The following RUNDC3B variants were observed in gnomAD, a reference collection of about 807,000 sequenced individuals.
The protein encoded by RUNDC3B is RUN domain containing 3B, also known as RUN domain-containing protein 3B.
Under a neutral mutation model 58.4 loss-of-function variants are expected in RUNDC3B, and 33 were observed. The ratio of observed to expected loss-of-function variants is 0.56; its 90% CI spans 0.43 to 0.75. RUNDC3B has a LOEUF of 0.75. Among genes scored for constraint, RUNDC3B ranks in the 30% least tolerant of loss-of-function variants. The pLI, the probability that RUNDC3B is intolerant of heterozygous loss-of-function variation, is 0.00. For synonymous variants in RUNDC3B, 193 were observed against 195.2 expected (o/e 0.99, Z 0.10); for missense variants, 501 against 535.7 (o/e 0.94, Z 0.64).
At chr7:87,687,716 C>T (rs950743936) in intron 2 of RUNDC3B, among the ~76,000 whole-genome samples, 2 of 152,220 alleles carry the variant, frequency 1.3e-5, no homozygotes, top group Non-Finnish European at 2.9e-5. Context: ...GTTAGAACTC[C>T]TGTGACTTGA....
At position 87,739,805 on chromosome 7, in the gene RUNDC3B, A is replaced by T; in HGVS notation, c.473A>T (p.Asp158Val). Residue 158 changes from aspartate to valine, a missense_variant, in exon 5 of 11, where the codon GAT (aspartate) becomes GTT (valine). Physicochemically the swap from Asp to Val is radical, Grantham distance 152. Transcript: ENST00000394654. Reference protein sequence around the residue: ...DFKTTRRFYEDGAIVLGEEAN... With the variant: ...DFKTTRRFYEVGAIVLGEEAN... The stretch of plus-strand genomic sequence containing the variant: ...TCATTTTTTAGGAGATTTTATGAAG[A>T]TGGAGCAATTGTCTTGGGTGAAGAA... 1 of 1,563,442 alleles carries T rather than the reference A, an allele frequency of 6.4e-7. No individual in the cohort carries two copies. The highest frequency in any genetic ancestry group is 1.2e-5 in the South Asian group (1 of 86,594).
chr7:87,820,282 A>C (rs949987859), intron 10 of RUNDC3B, among the ~76,000 whole-genome samples: 4 of 152,238 alleles, frequency 2.6e-5, no homozygotes, highest in African/African-American at 4.8e-5. Flanking sequence ...AAACTAGAAA[A>C]TCTAGAAGAA....
At chr7:87,814,434 C>A (rs750997707) in intron 9 of RUNDC3B, among the ~76,000 whole-genome samples, 1 of 152,140 alleles carries the variant, frequency 6.6e-6, no homozygotes, top group East Asian at 1.9e-4. Context: ...GAAGCCAAAT[C>A]TTTTCTTCCT....
chr7:87,639,881 C>T (rs974235125), intron 1 of RUNDC3B, among the ~76,000 whole-genome samples: 6 of 151,630 alleles, frequency 4.0e-5, no homozygotes, highest in Admixed American at 1.3e-4. Flanking sequence ...TTTTAATTAA[C>T]GTTATTACTA....
chr7:87,703,007 A>G (rs1439405833), intron 3 of RUNDC3B, among the ~76,000 whole-genome samples: 1 of 152,178 alleles, frequency 6.6e-6, no homozygotes, highest in Non-Finnish European at 1.5e-5. Context: ...TAGTAGTTGT[A>G]TTTATTTTTA....
In RUNDC3B at chr7:87,650,926, A is replaced by G; in HGVS notation, c.227A>G (p.His76Arg). The G allele has an allele frequency of 6.3e-7, 1 of 1,590,560 alleles. No homozygotes were observed. Among genetic ancestry groups the G allele is most frequent in the Non-Finnish European group, 8.6e-7 (1 of 1,159,068 alleles). The change falls in exon 2 of 11, where the codon CAC becomes CGC. Residue 76 changes from histidine to arginine, a missense_variant. Transcript: ENST00000394654. Reference protein sequence around the residue: ...FAAILEQILSHRLKGQVTWFG... With the variant: ...FAAILEQILSRRLKGQVTWFG... ...GCTATTTTGGAACAGATTTTAAGCC[A>G]CCGGCTAAAAGGTAAAAGCACTAAT...
At chr7:87,684,711 G>GCAC (rs1264649114) in intron 2 of RUNDC3B, among the ~76,000 whole-genome samples, 2 of 122,258 alleles carry the variant, frequency 1.6e-5, no homozygotes, top group Non-Finnish European at 3.2e-5. Flanking sequence ...TCGTGCCACT[G>GCAC]CACTCCAGCC....
Position 87,830,060 on chromosome 7 carries a change from A to C in RUNDC3B, c.*30A>C. On this transcript the variant is annotated 3_prime_UTR_variant, in exon 11 of 11. Coordinates refer to ENST00000394654, the MANE Select transcript of RUNDC3B (RefSeq NM_001134405.2). ...TTTTGTGTAAAAGCCAAAACTTTTT[A>C]TGTTGTAAATGTTTAATTTACATGT... The C allele has an allele frequency of 6.9e-7, 1 of 1,459,196 alleles. No individual in the cohort carries two copies. Among genetic ancestry groups the C allele is most frequent in the Non-Finnish European group, 9.3e-7 (1 of 1,075,166 alleles). 90.4% of individuals were successfully genotyped at this position (1,459,196 alleles called of 1,614,324 possible). A position where few individuals can be genotyped will look rare whatever the true frequency, so the allele number is the denominator to read the frequency against.
At chr7:87,692,452 G>A (rs1828104649) in intron 2 of RUNDC3B, among the ~76,000 whole-genome samples, 1 of 152,152 alleles carries the variant, frequency 6.6e-6, no homozygotes, top group African/African-American at 2.4e-5. Flanking sequence ...GTGAGAACCT[G>A]TCTCTTAAAC....
intron 10 of RUNDC3B, among the ~76,000 whole-genome samples, chr7:87,816,966 C>T (rs771281112): frequency 6.6e-6 from 1 of 152,206 alleles, no homozygotes; most frequent in Admixed American, 6.5e-5. Context: ...CTTTGGATGG[C>T]ATGAGTTCAC....
At chr7:87,823,726 A>G (rs890850311) in intron 10 of RUNDC3B, among the ~76,000 whole-genome samples, 7 of 152,072 alleles carry the variant, frequency 4.6e-5, no homozygotes, top group Admixed American at 6.6e-5. Context: ...AATCTCATCC[A>G]GGTTGCTGTA....
intron 2 of RUNDC3B, among the ~76,000 whole-genome samples, chr7:87,674,501 T>C (rs1231269611): frequency 6.6e-6 from 1 of 152,038 alleles, no homozygotes; most frequent in Non-Finnish European, 1.5e-5. Flanking sequence ...CACACATACA[T>C]GTACCAGCAT....
intron 3 of RUNDC3B, among the ~76,000 whole-genome samples, chr7:87,703,846 A>G (rs1447448913): frequency 1.1e-5 from 1 of 94,094 alleles, no homozygotes; most frequent in African/African-American, 4.0e-5. Context: ...TGCAGTGTGA[A>G]TTCCCCTTTG....
At chr7:87,769,212 T>C (rs966536852) in intron 6 of RUNDC3B, among the ~76,000 whole-genome samples, 6 of 151,644 alleles carry the variant, frequency 4.0e-5, no homozygotes, top group African/African-American at 1.5e-4. Flanking sequence ...GTTTTCACCA[T>C]GTTGCCCAAG....
At chr7:87,709,327 C>A (rs1334321850) in intron 3 of RUNDC3B, 1 of 985,172 alleles carries the variant, frequency 1.0e-6, no homozygotes, top group Non-Finnish European at 1.2e-6. Context: ...GACACCGCTA[C>A]TAGTTTCTGT....
At chr7:87,725,263 C>T (rs997288396) in intron 4 of RUNDC3B, among the ~76,000 whole-genome samples, 2 of 152,120 alleles carry the variant, frequency 1.3e-5, no homozygotes, top group African/African-American at 4.8e-5. Flanking sequence ...ACAACAGGCC[C>T]CGGTGTGTGA....
chr7:87,702,305 G>A (rs1471823855), intron 3 of RUNDC3B, among the ~76,000 whole-genome samples: 1 of 151,414 alleles, frequency 6.6e-6, no homozygotes, highest in Non-Finnish European at 1.5e-5. Flanking sequence ...TAGGGACAGG[G>A]TCTTGCTCTG....
chr7:87,675,427 G>C (rs553880320), intron 2 of RUNDC3B, among the ~76,000 whole-genome samples: 1 of 152,180 alleles, frequency 6.6e-6, no homozygotes, highest in South Asian at 2.1e-4. Flanking sequence ...AAAGCTGAAG[G>C]CATTATGCTT....
intron 2 of RUNDC3B, among the ~76,000 whole-genome samples, chr7:87,659,692 A>C (rs1004205876): frequency 1.3e-5 from 2 of 152,158 alleles, no homozygotes; most frequent in Non-Finnish European, 2.9e-5. Flanking sequence ...GGGGTATAAG[A>C]GGTAAAAAGA....
Sources: gnomAD v4.1 joint callset for allele counts (sites outside exome capture counted in the v4.1 genomes callset) on GRCh38, gnomAD v4.1.1 for gene constraint, MANE v1.5 for transcripts, NCBI Gene and HGNC (gene_info 2026-07-23, HGNC 2026-07-21) for gene names.